The following RAPGEF2 variants were observed in gnomAD, a reference collection of about 807,000 sequenced individuals.
The protein encoded by RAPGEF2 is PDZ domain containing guanine nucleotide exchange factor (GEF) 1.
Under a neutral mutation model 186.7 loss-of-function variants are expected in RAPGEF2, and 54 were observed. That is an observed-to-expected ratio of 0.29 (90% CI 0.23 to 0.36). RAPGEF2 has a LOEUF of 0.36. Ranked by LOEUF, RAPGEF2 falls within the 10% of genes least tolerant of loss-of-function variation. RAPGEF2 has a pLI of 1.00. For missense variants in RAPGEF2, 1,532 were observed against 2,045.0 expected (o/e 0.75, Z 4.84); for synonymous variants, 712 against 705.9 (o/e 1.01, Z -0.14).
intron 3 of RAPGEF2, among the ~76,000 whole-genome samples, chr4:159,196,309 A>T (rs1318053260): frequency 3.9e-5 from 6 of 152,232 alleles, no homozygotes; most frequent in Non-Finnish European, 8.8e-5. Context: ...TGATAATAAT[A>T]GTACTCCTCT....
intron 7 of RAPGEF2, among the ~76,000 whole-genome samples, chr4:159,294,759 A>G (rs1388884184): frequency 6.6e-6 from 1 of 150,408 alleles, no homozygotes. Flanking sequence ...GTGCATTGGC[A>G]TGGTCTTGGC....
At chr4:159,346,225 G>T (rs961905191) in intron 24 of RAPGEF2, among the ~76,000 whole-genome samples, 1 of 152,072 alleles carries the variant, frequency 6.6e-6, no homozygotes, top group African/African-American at 2.4e-5. Flanking sequence ...ACATTTTATT[G>T]TCCTAAATTG....
rs370591597 is a variant in RAPGEF2, at chr4:159,304,409, C to G, written c.611C>G (p.Ser204Cys). ...SLHPQVTHVS[S>C]SHSGCSITSD... ...CACCCACAGGTGACCCACGTTTCTT[C>G]TAGCCATTCAGGATGTAGTATCACT... Residue 204 changes from serine (S) to cysteine (C), a missense_variant, in exon 8 of 30, where the codon TCT (serine) becomes TGT (cysteine). Around this residue, in one of 4 missense-constraint regions of RAPGEF2, gnomAD observed 810 missense variants for 1,210.5 expected, o/e 0.67. Transcript: ENST00000691494. 6.2e-7 allele frequency: 1 copy of G among 1,602,622 alleles called. No individual in the cohort carries two copies. Among genetic ancestry groups the G allele is most frequent in the Non-Finnish European group, 8.5e-7 (1 of 1,169,888 alleles).
At chr4:159,316,377 G>C (rs142864803) in intron 9 of RAPGEF2, among the ~76,000 whole-genome samples, 1 of 152,010 alleles carries the variant, frequency 6.6e-6, no homozygotes, top group Non-Finnish European at 1.5e-5. Flanking sequence ...TACTGGAACA[G>C]CTCATGTCCT....
intron 4 of RAPGEF2, among the ~76,000 whole-genome samples, chr4:159,214,832 T>G (rs1175946048): frequency 6.6e-6 from 1 of 152,168 alleles, no homozygotes; most frequent in South Asian, 2.1e-4. Context: ...AAAAACCTAT[T>G]TGCAAAAGGA....
intron 1 of RAPGEF2, among the ~76,000 whole-genome samples, chr4:159,135,216 A>G (rs9991124): frequency 0.99 from 151,048 of 152,182 alleles, 74,973 homozygotes; most frequent in East Asian, 1. Context: ...GCTAATTTTT[A>G]TATTTTTTTT....
At chr4:159,133,966 G>A (rs151083020) in intron 1 of RAPGEF2, among the ~76,000 whole-genome samples, 1,581 of 152,218 alleles carry the variant, frequency 0.01, 27 homozygotes, top group African/African-American at 0.035. Flanking sequence ...TGATCCACCC[G>A]CCTGGACCTC....
In RAPGEF2 at chr4:159,104,186, C is replaced by A; in HGVS notation, c.24C>A (p.Ser8Arg). The A allele has an allele frequency of 1.3e-6, 2 of 1,527,734 alleles. No homozygotes were observed. The highest frequency in any genetic ancestry group is 4.0e-5 in the Admixed American group (2 of 50,526). 94.6% of individuals were successfully genotyped at this position (1,527,734 alleles called of 1,614,324 possible). A position where few individuals can be genotyped will look rare whatever the true frequency, so the allele number is the denominator to read the frequency against. Residue 8 changes from serine (S) to arginine (R), a missense_variant, in exon 1 of 30, where the codon AGC becomes AGA. Coordinates refer to ENST00000691494, the MANE Select transcript of RAPGEF2 (RefSeq NM_001394067.2). MASYVDN[S>R]FRQAVMKNPP... ...AGATGGCGTCCTACGTAGATAACAGCTTCCGCCAGGCGGTGATGAAGAATC... is the reference window on the plus strand; with the variant it reads ...AGATGGCGTCCTACGTAGATAACAGATTCCGCCAGGCGGTGATGAAGAATC...
rs183474938 is a variant in RAPGEF2 at position 159,133,637 on chromosome 4, G to A, written c.69+29406G>A. Among the ~76,000 whole-genome samples, 1,490 of 151,734 alleles carry A rather than the reference G, an allele frequency of 9.8e-3. 16 individuals are homozygous for A. Among genetic ancestry groups the A allele is most frequent in the Non-Finnish European group, 0.013 (887 of 67,954 alleles). On this transcript the variant is annotated intron_variant, in intron 1 of 29. Coordinates refer to ENST00000691494, the MANE Select transcript of RAPGEF2 (RefSeq NM_001394067.2). ...CTGGCTCTGTCACCCATGCTGGAGT[G>A]CAGTGGCATGATCTCGGCTCACTGC...
intron 9 of RAPGEF2, among the ~76,000 whole-genome samples, chr4:159,317,821 G>C (rs549879869): frequency 1.8e-4 from 27 of 151,980 alleles, no homozygotes; most frequent in Admixed American, 4.6e-4. Context: ...AAAAAAATTG[G>C]TGAAACGTTG....
At chr4:159,129,858 T>A (rs933364753) in intron 1 of RAPGEF2, among the ~76,000 whole-genome samples, 1 of 152,104 alleles carries the variant, frequency 6.6e-6, no homozygotes, top group African/African-American at 2.4e-5. Flanking sequence ...TGAAAGCAAG[T>A]TTATTAAGAA....
intron 7 of RAPGEF2, among the ~76,000 whole-genome samples, chr4:159,258,827 G>T (rs971612769): frequency 6.6e-6 from 1 of 152,090 alleles, no homozygotes; most frequent in Admixed American, 6.6e-5. Context: ...TCTAGGAGTG[G>T]CATTATAGAT....
At chr4:159,337,051 A>G (rs535883084) in intron 17 of RAPGEF2, among the ~76,000 whole-genome samples, 8 of 152,302 alleles carry the variant, frequency 5.3e-5, no homozygotes, top group Non-Finnish European at 8.8e-5. Context: ...GTTTTTACAT[A>G]TTATTAAATC....
intron 9 of RAPGEF2, 130 bp downstream of exon 9, chr4:159,314,898 CAGT>C (rs1333163134): frequency 1.1e-6 from 1 of 887,672 alleles, no homozygotes; most frequent in African/African-American, 1.7e-5. Flanking sequence ...TTTGTATAAA[CAGT>C]AGTATTTGTT....
chr4:159,349,924 T>C (rs1730928326), intron 25 of RAPGEF2, among the ~76,000 whole-genome samples: 2 of 152,182 alleles, frequency 1.3e-5, no homozygotes, highest in African/African-American at 4.8e-5. Flanking sequence ...CTGTGGCAGA[T>C]ATCAGTCTGA....
chr4:159,286,577 C>G (rs1760530986), intron 7 of RAPGEF2, among the ~76,000 whole-genome samples: 1 of 152,186 alleles, frequency 6.6e-6, no homozygotes, highest in Admixed American at 6.5e-5. Context: ...GAGAACTATG[C>G]ATGAACTAGC....
intron 20 of RAPGEF2, among the ~76,000 whole-genome samples, chr4:159,342,616 A>ATTTTATTTTATTTTATTTTATT (rs1554041277): frequency 5.1e-5 from 6 of 118,414 alleles, no homozygotes; most frequent in East Asian, 4.8e-4. Flanking sequence ...ATTTTATTTT[A>ATTTTATTTTATTTTATTTTATT]TTACTAGAGG....
At position 159,352,801 on chromosome 4, in the gene RAPGEF2, C is replaced by T. The variant is rs375674967; in HGVS notation, c.3982C>T (p.Leu1328=). The T allele has an allele frequency of 2.5e-5, 40 of 1,614,086 alleles. No homozygotes were observed. Among genetic ancestry groups the T allele is most frequent in the Non-Finnish European group, 3.1e-5 (37 of 1,180,050 alleles). Residue 1328 remains leucine (L), a synonymous_variant, in exon 27 of 30, where the codon CTG becomes TTG. Transcript: ENST00000691494. ...NSSFDSVPVS[L]HDERRQRHSV... The stretch of plus-strand genomic sequence containing the variant: ...GTCTTTTGACTCAGTGCCAGTCTCA[C>T]TGCACGATGAGAGGCGCCAGAGGCA...
chr4:159,286,043 A>ACCACCG (rs1250719559), intron 7 of RAPGEF2, among the ~76,000 whole-genome samples: 1 of 101,150 alleles, frequency 9.9e-6, no homozygotes, highest in Non-Finnish European at 1.8e-5. Flanking sequence ...CACCACCACC[A>ACCACCG]CCACCACCAC....
Sources: gnomAD v4.1 joint callset for allele counts (sites outside exome capture counted in the v4.1 genomes callset) on GRCh38, gnomAD v4.1.1 for gene constraint, gnomAD v4.1.1 regional missense constraint, MANE v1.5 for transcripts, NCBI Gene and HGNC (gene_info 2026-07-23, HGNC 2026-07-21) for gene names.